Variants in DLC1 observed in about 807,000 individuals in gnomAD.
DLC1 encodes rho GTPase-activating protein 7.
A neutral mutation model predicts 140.3 loss-of-function variants in DLC1; 54 were observed. The ratio of observed to expected loss-of-function variants is 0.38; its 90% CI spans 0.31 to 0.48. The LOEUF is 0.48. DLC1 is among the 20% of genes least tolerant of loss of function. The probability of loss-of-function intolerance (pLI) is 0.96; values close to 1 mark genes in which losing one functional copy is unlikely to be tolerated. For synonymous variants in DLC1, 986 were observed against 728.1 expected (o/e 1.35, Z -5.70); for missense variants, 2,536 against 1,907.0 (o/e 1.33, Z -6.14).
chr8:13,472,548 A>G (rs1475723983), intron 2 of DLC1, among the ~76,000 whole-genome samples: 1 of 152,190 alleles, frequency 6.6e-6, no homozygotes. Flanking sequence ...GTGTCCCCAG[A>G]AATCTTTAGT....
chr8:13,276,577 C>G, intron 5 of DLC1: 2 of 1,263,840 alleles, frequency 1.6e-6, no homozygotes, highest in Non-Finnish European at 2.0e-6. Flanking sequence ...CGGCCAAGCG[C>G]GCGCGGCGGC....
At chr8:13,228,593 TA>T (rs1408083475) in intron 5 of DLC1, among the ~76,000 whole-genome samples, 1 of 151,492 alleles carries the variant, frequency 6.6e-6, no homozygotes, top group East Asian at 1.9e-4. Flanking sequence ...AAAATAAAAA[TA>T]AAAAAATTAG....
chr8:13,265,388 G>A (rs940286445), intron 5 of DLC1, among the ~76,000 whole-genome samples: 15 of 152,190 alleles, frequency 9.9e-5, no homozygotes, highest in African/African-American at 3.6e-4. Context: ...GTGGGAGTAT[G>A]TGTGGGTAGG....
At chr8:13,591,342 G>A (rs901717029) in intron 1 of DLC1, among the ~76,000 whole-genome samples, 3 of 152,066 alleles carry the variant, frequency 2.0e-5, no homozygotes, top group African/African-American at 7.2e-5. Flanking sequence ...AATCATGGGG[G>A]CAGTTGCCCT....
intron 5 of DLC1, among the ~76,000 whole-genome samples, chr8:13,235,188 C>T (rs2117215866): frequency 6.6e-6 from 1 of 152,120 alleles, no homozygotes; most frequent in African/African-American, 2.4e-5. Context: ...ATTGAAAGAA[C>T]AGGTATGATT....
chr8:13,324,399 T>C (rs1586139029), intron 4 of DLC1, among the ~76,000 whole-genome samples: 1 of 151,544 alleles, frequency 6.6e-6, no homozygotes, highest in African/African-American at 2.4e-5. Context: ...AAACCCTGTC[T>C]CTACTAAAAA....
At chr8:13,115,791 A>G in intron 5 of DLC1, 134 bp from the exon 6 acceptor site, 1 of 779,696 alleles carries the variant, frequency 1.3e-6, no homozygotes, top group African/African-American at 1.7e-5. Flanking sequence ...AAACAGACAT[A>G]CACGCTTAAT....
intron 5 of DLC1, among the ~76,000 whole-genome samples, chr8:13,183,675 C>T (rs563869513): frequency 1.2e-3 from 179 of 152,168 alleles, no homozygotes; most frequent in Non-Finnish European, 2.1e-3. Context: ...CTGAATTGAT[C>T]GTGGTGGATA....
intron 5 of DLC1, among the ~76,000 whole-genome samples, chr8:13,263,572 T>C (rs1312515534): frequency 1.3e-5 from 2 of 151,016 alleles, no homozygotes; most frequent in African/African-American, 2.4e-5. Context: ...ATATGATATA[T>C]AATACAAATT....
At chr8:13,275,596 C>A (rs1240440149) in intron 5 of DLC1, among the ~76,000 whole-genome samples, 1 of 129,782 alleles carries the variant, frequency 7.7e-6, no homozygotes, top group East Asian at 1.9e-4. Context: ...GACAGAAGTC[C>A]CTATCTCCTC....
intron 4 of DLC1, among the ~76,000 whole-genome samples, chr8:13,313,661 A>G (rs1832763864): frequency 6.6e-6 from 1 of 152,208 alleles, no homozygotes; most frequent in South Asian, 2.1e-4. Context: ...TGCAAAACAA[A>G]TATAGGTTGT....
chr8:13,420,989 T>C (rs1334940207), intron 2 of DLC1, among the ~76,000 whole-genome samples: 1 of 152,108 alleles, frequency 6.6e-6, no homozygotes, highest in Non-Finnish European at 1.5e-5. Flanking sequence ...TTACAGATTA[T>C]ACTGAGAAAC....
At chr8:13,263,711 G>C (rs2117344455) in intron 5 of DLC1, among the ~76,000 whole-genome samples, 1 of 150,870 alleles carries the variant, frequency 6.6e-6, no homozygotes, top group South Asian at 2.1e-4. Flanking sequence ...TTATTTTTAT[G>C]TTTTTTTAAA....
chr8:13,090,623 C>T (rs11991982), intron 14 of DLC1, among the ~76,000 whole-genome samples, 153 bp from the exon 15 acceptor site: 2,329 of 152,178 alleles, frequency 0.015, 63 homozygotes, highest in African/African-American at 0.054. Flanking sequence ...GCTGACCGCA[C>T]GTGTTATCAC....
At chr8:13,490,678 A>C (rs1213936221) in intron 2 of DLC1, among the ~76,000 whole-genome samples, 1 of 152,204 alleles carries the variant, frequency 6.6e-6, no homozygotes, top group Non-Finnish European at 1.5e-5. Context: ...ATCCATGAGG[A>C]ACAAGCTAAA....
intron 1 of DLC1, among the ~76,000 whole-genome samples, chr8:13,552,052 T>TAC (rs1803877069): frequency 7.1e-6 from 1 of 140,546 alleles, no homozygotes; most frequent in Non-Finnish European, 1.5e-5. Context: ...TATATATATA[T>TAC]ACACATATAT....
At chr8:13,364,726 C>T (rs780449130) in intron 4 of DLC1, among the ~76,000 whole-genome samples, 3 of 152,298 alleles carry the variant, frequency 2.0e-5, no homozygotes, top group African/African-American at 2.4e-5. Flanking sequence ...AAAATTATCA[C>T]ATGCTATAGA....
chr8:13,125,033 G>C (rs1821434017), intron 5 of DLC1, among the ~76,000 whole-genome samples: 1 of 151,594 alleles, frequency 6.6e-6, no homozygotes, highest in Non-Finnish European at 1.5e-5. Flanking sequence ...CTGGAGTGCA[G>C]TAGCACAATC....
At chr8:13,509,961 G>A (rs901151550) in intron 1 of DLC1, among the ~76,000 whole-genome samples, 1 of 152,024 alleles carries the variant, frequency 6.6e-6, no homozygotes, top group African/African-American at 2.4e-5. Flanking sequence ...TTAGTCCATG[G>A]CACATTTCAA....
Sources: allele counts gnomAD v4.1 joint callset (sites outside exome capture counted in the v4.1 genomes callset), GRCh38; gene constraint gnomAD v4.1.1; transcripts MANE v1.5; gene names NCBI Gene and HGNC (gene_info 2026-07-23, HGNC 2026-07-21).